Variants in ASCC3 observed in about 807,000 individuals in gnomAD.
ASCC3 encodes ASC-1 complex subunit P200.
ASCC3 carries 158 observed loss-of-function variants against 256.3 expected under a neutral mutation model. The ratio of observed to expected loss-of-function variants is 0.62; its 90% CI spans 0.54 to 0.70. ASCC3 has a LOEUF of 0.70. Among genes scored for constraint, ASCC3 ranks in the 30% least tolerant of loss-of-function variants. The pLI is 0.00. For synonymous variants in ASCC3, 948 were observed against 883.4 expected (o/e 1.07, Z -1.30); for missense variants, 2,259 against 2,626.0 (o/e 0.86, Z 3.05).
chr6:100,724,862 G>C (rs1054007103), intron 11 of ASCC3, among the ~76,000 whole-genome samples: 2 of 151,958 alleles, frequency 1.3e-5, no homozygotes, highest in African/African-American at 2.4e-5. Context: ...AAGTTACAGG[G>C]TAATCCCAAG....
chr6:100,603,077 T>G (rs900274854), intron 33 of ASCC3, among the ~76,000 whole-genome samples: 1 of 151,980 alleles, frequency 6.6e-6, no homozygotes, highest in African/African-American at 2.4e-5. Context: ...TAGAGAAACA[T>G]TTACATGTGA....
At chr6:100,553,911 C>T (rs1490235363) in intron 36 of ASCC3, among the ~76,000 whole-genome samples, 2 of 152,060 alleles carry the variant, frequency 1.3e-5, no homozygotes, top group Admixed American at 6.6e-5. Flanking sequence ...TTTTAGTTTA[C>T]TGGGGATATA....
intron 10 of ASCC3, among the ~76,000 whole-genome samples, chr6:100,762,996 C>T (rs904671544): frequency 1.3e-5 from 2 of 152,038 alleles, no homozygotes; most frequent in Non-Finnish European, 1.5e-5. Flanking sequence ...TATTGGGAAA[C>T]TTATTTACCA....
Position 100,516,228 on chromosome 6 carries a change from T to G in ASCC3, c.6027A>C (p.Val2009=). The G allele has an allele frequency of 6.2e-7, 1 of 1,613,700 alleles. No individual in the cohort carries two copies. The highest frequency in any genetic ancestry group is 1.1e-5 in the South Asian group (1 of 91,076). ...LIHACGGKDH[V]FSSMVESELH... The stretch of plus-strand genomic sequence containing the variant: ...GCTCACTTTCTACCATGGAGCTAAA[T>G]ACATGGTCTTTCCCTCCACAGGCAT... The change falls in exon 39 of 42, where the codon GTA becomes GTC. Residue 2009 remains valine (V), a synonymous_variant. Coordinates refer to ENST00000369162, the MANE Select transcript of ASCC3 (RefSeq NM_006828.4).
chr6:100,543,384 G>A lies in ASCC3; in HGVS notation c.5551-2997C>T, dbSNP rs556980386. 3.9e-5 allele frequency among the ~76,000 whole-genome samples: 6 copies of A among 152,010 alleles called. No individual in the cohort carries two copies. The East Asian group carries it at 1.2e-3, about 29-fold the overall frequency. On this transcript the variant is annotated intron_variant, in intron 36 of 41. Transcript: ENST00000369162. ...TGAATGCAGAACCCATAGACACAGA[G>A]GACCAACTATATATGTTTGCCTACT...
At chr6:100,789,757 G>A (rs748032908) in intron 8 of ASCC3, among the ~76,000 whole-genome samples, 2 of 151,960 alleles carry the variant, frequency 1.3e-5, no homozygotes, top group Non-Finnish European at 2.9e-5. Flanking sequence ...ACATTTAGCG[G>A]AAGAAATCAT....
At chr6:100,669,866 A>C (rs1355590232) in intron 14 of ASCC3, among the ~76,000 whole-genome samples, 1 of 151,924 alleles carries the variant, frequency 6.6e-6, no homozygotes, top group Non-Finnish European at 1.5e-5. Context: ...ATCTGAAATA[A>C]GTTTCAGAAA....
intron 14 of ASCC3, among the ~76,000 whole-genome samples, chr6:100,671,976 ATTTG>A (rs1776774424): frequency 6.6e-6 from 1 of 151,910 alleles, no homozygotes; most frequent in South Asian, 2.1e-4. Flanking sequence ...AGTCATCTTG[ATTTG>A]TTTTTCTTAT....
intron 36 of ASCC3, among the ~76,000 whole-genome samples, chr6:100,558,823 C>T (rs944274309): frequency 6.6e-6 from 1 of 152,114 alleles, no homozygotes; most frequent in Non-Finnish European, 1.5e-5. Flanking sequence ...ATATTATGTC[C>T]TCTGGCTATT....
At chr6:100,768,692 C>T (rs1008067475) in intron 8 of ASCC3, among the ~76,000 whole-genome samples, 6 of 152,200 alleles carry the variant, frequency 3.9e-5, no homozygotes. Flanking sequence ...ATCAGCAAGG[C>T]TACCATAGAC....
At chr6:100,863,971 C>G in intron 3 of ASCC3, 93 bp downstream of exon 3, 1 of 1,163,578 alleles carries the variant, frequency 8.6e-7, no homozygotes, top group Non-Finnish European at 1.2e-6. Flanking sequence ...GAAATTTTAG[C>G]TTTCCTTTAC....
intron 4 of ASCC3, among the ~76,000 whole-genome samples, chr6:100,811,561 A>G (rs1050707220): frequency 1.3e-5 from 2 of 152,160 alleles, no homozygotes; most frequent in Non-Finnish European, 2.9e-5. Flanking sequence ...GTCCTTACAT[A>G]TATCAAAACA....
At chr6:100,556,667 G>C (rs1286352434) in intron 36 of ASCC3, among the ~76,000 whole-genome samples, 3 of 152,044 alleles carry the variant, frequency 2.0e-5, no homozygotes, top group Admixed American at 2.0e-4. Context: ...ACTGTGGAGG[G>C]GAGAAATGAT....
At chr6:100,604,257 T>C (rs1413392228) in intron 33 of ASCC3, among the ~76,000 whole-genome samples, 1 of 152,164 alleles carries the variant, frequency 6.6e-6, no homozygotes, top group Admixed American at 6.6e-5. Context: ...TATTTTTCCA[T>C]TCCTGATATT....
chr6:100,542,688 AT>A (rs748682283), intron 36 of ASCC3, among the ~76,000 whole-genome samples: 135 of 152,158 alleles, frequency 8.9e-4, no homozygotes, highest in South Asian at 1.0e-3. Context: ...CAAAAAAAAA[AT>A]AATAATAAAA....
chr6:100,515,249 G>T (rs1379872698), intron 39 of ASCC3, among the ~76,000 whole-genome samples: 1 of 152,084 alleles, frequency 6.6e-6, no homozygotes, highest in Non-Finnish European at 1.5e-5. Context: ...TGGTAATTTA[G>T]TTAGAAAGGT....
chr6:100,652,370 A>T (rs2114913798), intron 18 of ASCC3, among the ~76,000 whole-genome samples: 1 of 152,304 alleles, frequency 6.6e-6, no homozygotes, highest in East Asian at 1.9e-4. Flanking sequence ...GGTTTTGAAG[A>T]AACCTAAAGT....
intron 10 of ASCC3, among the ~76,000 whole-genome samples, chr6:100,752,013 A>G (rs897504699): frequency 7.9e-5 from 12 of 152,112 alleles, no homozygotes; most frequent in Non-Finnish European, 1.5e-4. Flanking sequence ...CTTTCATTAT[A>G]TTACTGATTG....
intron 6 of ASCC3, among the ~76,000 whole-genome samples, chr6:100,799,909 T>G (rs2114342173): frequency 6.6e-6 from 1 of 152,232 alleles, no homozygotes. Flanking sequence ...AGTGCAATAA[T>G]GCTTATATTT....
Sources: allele counts gnomAD v4.1 joint callset (sites outside exome capture counted in the v4.1 genomes callset), GRCh38; gene constraint gnomAD v4.1.1; transcripts MANE v1.5; gene names NCBI Gene and HGNC (gene_info 2026-07-23, HGNC 2026-07-21).